Variants in ANKRD11 observed in about 807,000 individuals in gnomAD.
ANKRD11 encodes the protein ankyrin repeat domain-containing protein 11.
ANKRD11 carries 17 observed loss-of-function variants against 195.7 expected under a neutral mutation model. The ratio of observed to expected loss-of-function variants is 0.09; its 90% CI spans 0.06 to 0.13. The LOEUF (loss-of-function observed/expected upper bound fraction) is 0.13, where lower values mean the gene tolerates loss of function less well. Ranked by LOEUF, ANKRD11 falls within the 10% of genes least tolerant of loss-of-function variation. The pLI is 1.00. For synonymous variants in ANKRD11, 1,953 were observed against 1,528.1 expected (o/e 1.28, Z -6.49); for missense variants, 3,735 against 3,566.1 (o/e 1.05, Z -1.21).
Position 89,288,518 on chromosome 16 carries a change from G to C in ANKRD11, c.744+10C>G. On this transcript the variant is annotated intron_variant, in intron 7 of 12. Transcript: ENST00000301030. ...CAGGCCGGATGTGTGAAGAACGGGGGGATGCCAACCTTGTAGTGCCCGTTG... is the reference window on the plus strand; with the variant it reads ...CAGGCCGGATGTGTGAAGAACGGGGCGATGCCAACCTTGTAGTGCCCGTTG... 1 of 1,614,094 alleles carries C rather than the reference G, an allele frequency of 6.2e-7. No homozygotes were observed. Among genetic ancestry groups the C allele is most frequent in the Non-Finnish European group, 8.5e-7 (1 of 1,180,014 alleles).
chr16:89,432,944 ATCTCTCTCTCTCTCTCTCTCTCTCTCTC>A (rs56770747), intron 1 of ANKRD11, among the ~76,000 whole-genome samples: 19 of 108,650 alleles, frequency 1.7e-4, no homozygotes, highest in Admixed American at 1.7e-3. Flanking sequence ...CAGAGACCCT[ATCTCTCTCTCTCTCTCTCTCTCTCTCTC>A]TCTCTCTCTC....
intron 1 of ANKRD11, among the ~76,000 whole-genome samples, chr16:89,428,355 C>A (rs1412685006): frequency 6.6e-6 from 1 of 151,858 alleles, no homozygotes; most frequent in Non-Finnish European, 1.5e-5. Flanking sequence ...GAAACCCCGT[C>A]TCTACTAAAA....
chr16:89,461,190 C>G lies in ANKRD11; in HGVS notation c.-145+29055G>C, dbSNP rs1347669700. Among the ~76,000 whole-genome samples the G allele has an allele frequency of 3.7e-5, 5 of 135,818 alleles. 1 individual carries two copies. In the East Asian group the frequency reaches 1.1e-3, roughly 30 times the overall value. 89.1% of individuals were successfully genotyped at this position (135,818 alleles called of 152,430 possible). A position where few individuals can be genotyped will look rare whatever the true frequency, so the allele number is the denominator to read the frequency against. On this transcript the variant is annotated intron_variant, in intron 1 of 12. Transcript: ENST00000301030. ...GACAAATATCGTATGACCCCCCCCC[C>G]CCCCTTATAGGAGAGGTGCCTTGAG...
intron 1 of ANKRD11, among the ~76,000 whole-genome samples, chr16:89,465,593 A>G (rs897835835): frequency 2.0e-5 from 3 of 152,204 alleles, no homozygotes; most frequent in African/African-American, 4.8e-5. Context: ...CATGAGACAA[A>G]GGAAAAAGTC....
chr16:89,460,931 G>C (rs574522542), intron 1 of ANKRD11, among the ~76,000 whole-genome samples: 70 of 149,740 alleles, frequency 4.7e-4, no homozygotes, highest in African/African-American at 1.7e-3. Flanking sequence ...GCCTTGGACA[G>C]TGACATTCAT....
Position 89,317,078 on chromosome 16 carries a change from G to C in ANKRD11, c.-59C>G. On this transcript the variant is annotated splice_region_variant and 5_prime_UTR_variant, in exon 3 of 13. Transcript: ENST00000301030. ...GCCGGCGCTTCATCATCAACCGTCT[G>C]CTTCAAAAGAGAAGACACACAATTC... 6.5e-7 allele frequency: 1 copy of C among 1,537,262 alleles called. No homozygotes were observed. Among genetic ancestry groups the C allele is most frequent in the South Asian group, 1.2e-5 (1 of 85,840 alleles).
chr16:89,427,256 A>G (rs2042753644), intron 1 of ANKRD11, among the ~76,000 whole-genome samples: 1 of 152,246 alleles, frequency 6.6e-6, no homozygotes, highest in African/African-American at 2.4e-5. Flanking sequence ...GTTGAAAGAA[A>G]CCGAAGACCT....
chr16:89,371,002 T>C (rs549775045), intron 2 of ANKRD11, among the ~76,000 whole-genome samples: 23 of 152,210 alleles, frequency 1.5e-4, no homozygotes, highest in African/African-American at 4.6e-4. Flanking sequence ...TGAGCTCTCC[T>C]AGTTGAGAAA....
At chr16:89,420,169 T>C (rs1394573557) in intron 1 of ANKRD11, 1 of 152,168 alleles carries the variant, frequency 6.6e-6, no homozygotes, top group Non-Finnish European at 1.5e-5. Context: ...AAGCAGCAAG[T>C]GTGCCACGAA....
At chr16:89,286,518 C>A (rs999109282) in intron 7 of ANKRD11, 2 of 549,844 alleles carry the variant, frequency 3.6e-6, no homozygotes, top group African/African-American at 2.0e-5. Context: ...GGAATCTTCT[C>A]ACGAAGGCTC....
At chr16:89,485,370 T>C (rs939039783) in intron 1 of ANKRD11, among the ~76,000 whole-genome samples, 4 of 149,910 alleles carry the variant, frequency 2.7e-5, no homozygotes, top group African/African-American at 9.8e-5. Flanking sequence ...GGTATGGGCC[T>C]GTAGTCCCAG....
intron 1 of ANKRD11, among the ~76,000 whole-genome samples, chr16:89,472,200 C>T (rs1275121121): frequency 1.3e-5 from 2 of 152,146 alleles, no homozygotes; most frequent in Non-Finnish European, 2.9e-5. Flanking sequence ...AATAAACACT[C>T]GCAGGACACA....
chr16:89,356,385 T>C (rs2039473528), intron 2 of ANKRD11, among the ~76,000 whole-genome samples: 2 of 151,774 alleles, frequency 1.3e-5, no homozygotes, highest in Admixed American at 6.6e-5. Context: ...GCCTAGATGA[T>C]GACACCAGCT....
At chr16:89,448,154 C>A (rs371570930) in intron 1 of ANKRD11, among the ~76,000 whole-genome samples, 2 of 151,728 alleles carry the variant, frequency 1.3e-5, no homozygotes, top group Admixed American at 6.6e-5. Flanking sequence ...CTTGCAGACA[C>A]TGGGCACCTT....
chr16:89,327,990 T>C (rs180708602), intron 2 of ANKRD11, among the ~76,000 whole-genome samples: 65 of 152,338 alleles, frequency 4.3e-4, no homozygotes, highest in African/African-American at 1.5e-3. Context: ...ACAAGTCAGA[T>C]AGCAGGCTTG....
At chr16:89,490,086 G>A (rs568685423) in intron 1 of ANKRD11, among the ~76,000 whole-genome samples, 159 bp downstream of exon 1, 219 of 142,098 alleles carry the variant, frequency 1.5e-3, no homozygotes, top group Non-Finnish European at 2.9e-3. Context: ...GATCGCCCCG[G>A]GCCCCCAAAG....
chr16:89,323,635 C>T, intron 2 of ANKRD11: 1 of 324,434 alleles, frequency 3.1e-6, no homozygotes, highest in South Asian at 2.4e-5. Context: ...GGACAGAGGC[C>T]CTCACAGGAA....
intron 2 of ANKRD11, among the ~76,000 whole-genome samples, chr16:89,386,149 A>G (rs1460080885): frequency 6.6e-6 from 1 of 152,272 alleles, no homozygotes; most frequent in African/African-American, 2.4e-5. Context: ...AAGAAAATAC[A>G]ATACCGGCTT....
intron 3 of ANKRD11, among the ~76,000 whole-genome samples, chr16:89,305,661 G>A (rs183728799): frequency 3.0e-4 from 45 of 149,196 alleles, no homozygotes; most frequent in Admixed American, 2.3e-3. Flanking sequence ...CCGCAGACAC[G>A]CGCTACCTCC....
Sources: gnomAD v4.1 joint callset for allele counts (sites outside exome capture counted in the v4.1 genomes callset) on GRCh38, gnomAD v4.1.1 for gene constraint, MANE v1.5 for transcripts, NCBI Gene and HGNC (gene_info 2026-07-23, HGNC 2026-07-21) for gene names.